Variants in TCP11L2 observed in about 807,000 individuals in gnomAD.
TCP11L2 encodes the protein t-complex 11 like 2, also known as T-complex protein 11-like protein 2.
In TCP11L2, 39 loss-of-function variants were observed where a neutral mutation model predicts 50.7. That is an observed-to-expected ratio of 0.77 (90% CI 0.60 to 1.01). TCP11L2 has a LOEUF of 1.01. TCP11L2 is among the 50% of genes least tolerant of loss of function. The pLI is 0.00. For synonymous variants in TCP11L2, 192 were observed against 219.3 expected, an observed-to-expected ratio of 0.88 and a Z score of 1.10; for missense variants, 612 against 614.7, an observed-to-expected ratio of 1.00 and a Z score of 0.05.
chr12:106,321,688 A>G lies in TCP11L2; in HGVS notation c.617A>G (p.Asn206Ser). 1 of 1,614,188 alleles carries G rather than the reference A, an allele frequency of 6.2e-7. No homozygotes were observed. The highest frequency in any genetic ancestry group is 8.5e-7 in the Non-Finnish European group (1 of 1,180,028). ...ATCAGAGAGTTAAAGGCTACTGGCA[A>G]CATCGTGGAGGTGCTGAGGTTAGCA... ...NDIRELKATG[N>S]IVEVLRQIFH... The change falls in exon 5 of 10, where the codon AAC becomes AGC. Residue 206 changes from asparagine to serine, a missense_variant. By Grantham distance (46) the Asn-to-Ser change is conservative. Coordinates refer to ENST00000299045, the MANE Select transcript of TCP11L2 (RefSeq NM_152772.3).
chr12:106,341,122 A>G, intron 9 of TCP11L2, 124 bp downstream of exon 9: 6 of 786,598 alleles, frequency 7.6e-6, no homozygotes, highest in Non-Finnish European at 1.0e-5. Context: ...ATAAATATTG[A>G]AAATATCAAG....
chr12:106,319,106 T>C (rs1160859708), intron 4 of TCP11L2, among the ~76,000 whole-genome samples: 1 of 151,772 alleles, frequency 6.6e-6, no homozygotes, highest in Non-Finnish European at 1.5e-5. Context: ...AGAGACGGGG[T>C]TTCACCTTGT....
chr12:106,318,217 A>T, intron 3 of TCP11L2, 127 bp from the exon 4 acceptor site: 1 of 1,091,384 alleles, frequency 9.2e-7, no homozygotes, highest in Non-Finnish European at 1.3e-6. Context: ...TTAAAAGATT[A>T]ATGGATTAAG....
chr12:106,338,670 G>T (rs1400895441), intron 8 of TCP11L2, among the ~76,000 whole-genome samples: 2 of 152,180 alleles, frequency 1.3e-5, no homozygotes, highest in Non-Finnish European at 2.9e-5. Flanking sequence ...ATTCCTTTGG[G>T]AATAAACCCA....
intron 1 of TCP11L2, among the ~76,000 whole-genome samples, chr12:106,308,104 AT>A (rs1224097913): frequency 1.3e-5 from 2 of 152,188 alleles, no homozygotes; most frequent in Non-Finnish European, 2.9e-5. Flanking sequence ...AAGCTTTTAA[AT>A]TTTCCATTGC....
chr12:106,338,161 C>CT (rs1256085393), intron 8 of TCP11L2, among the ~76,000 whole-genome samples: 1 of 152,076 alleles, frequency 6.6e-6, no homozygotes, highest in Non-Finnish European at 1.5e-5. Flanking sequence ...TTGATTTTTG[C>CT]TTTTTTTCCC....
chr12:106,323,853 A>C (rs2035445253), intron 6 of TCP11L2: 1 of 235,076 alleles, frequency 4.3e-6, no homozygotes, highest in Admixed American at 5.7e-5. Context: ...ATATAGTATC[A>C]CTAAAGAATT....
chr12:106,311,163 C>G lies in TCP11L2; in HGVS notation c.88C>G (p.Leu30Val), dbSNP rs759623187. 3.1e-6 allele frequency: 5 copies of G among 1,614,092 alleles called. No individual in the cohort carries two copies. The highest frequency in any genetic ancestry group is 1.6e-4 in the Middle Eastern group (1 of 6,084). The stretch of plus-strand genomic sequence containing the variant: ...CCGGTTTTCCGAAAGCATGGCTTCG[C>G]TCAGTGACTATGAATGCTCCAGGCA... Reference protein sequence around the residue: ...SSRFSESMASLSDYECSRQSF... With the variant: ...SSRFSESMASVSDYECSRQSF... The change falls in exon 2 of 10, where the codon CTC becomes GTC. Residue 30 changes from leucine to valine, a missense_variant. Leu to Val is a conservative substitution (Grantham distance 32). Coordinates refer to ENST00000299045, the MANE Select transcript of TCP11L2 (RefSeq NM_152772.3).
chr12:106,321,434 A>G, intron 4 of TCP11L2, 52 bp from the exon 5 acceptor site: 1 of 1,475,896 alleles, frequency 6.8e-7, no homozygotes, highest in Non-Finnish European at 9.3e-7. Context: ...GTGAAAAGTG[A>G]CAGCTTTTAT....
rs186435730 is a variant in TCP11L2 at position 106,308,989 on chromosome 12, G to A, written c.-35-2052G>A. The stretch of plus-strand genomic sequence containing the variant: ...AAGGAACTAATGTACAAGGAACTAA[G>A]CGCTGTCATGGAGATACAGGAGACG... On this transcript the variant is annotated intron_variant, in intron 1 of 9. Coordinates refer to ENST00000299045, the MANE Select transcript of TCP11L2 (RefSeq NM_152772.3). 6.6e-5 allele frequency among the ~76,000 whole-genome samples: 10 copies of A among 152,348 alleles called. 1 individual carries two copies. In the East Asian group the frequency reaches 1.9e-3, roughly 29 times the overall value.
At position 106,346,564 on chromosome 12, in the gene TCP11L2, C is replaced by A; in HGVS notation, c.*34C>A. 1 of 1,590,436 alleles carries A rather than the reference C, an allele frequency of 6.3e-7. No homozygotes were observed. Reference sequence around the variant, plus strand: ...TGACATTGGACGAGAGATTGGAAATCCAGTACTTTGGTATCCAGTCCACTT... The same window carrying A: ...TGACATTGGACGAGAGATTGGAAATACAGTACTTTGGTATCCAGTCCACTT... On this transcript the variant is annotated 3_prime_UTR_variant, in exon 10 of 10. Transcript: ENST00000299045.
upstream of TCP11L2, among the ~76,000 whole-genome samples, chr12:106,302,181 A>G (rs1367527995): frequency 6.6e-6 from 1 of 152,042 alleles, no homozygotes; most frequent in East Asian, 1.9e-4. Flanking sequence ...GCGGGCACTC[A>G]ATGTTCCACG....
intron 4 of TCP11L2, among the ~76,000 whole-genome samples, chr12:106,320,032 C>T (rs907606830): frequency 3.3e-5 from 5 of 152,192 alleles, no homozygotes; most frequent in South Asian, 2.1e-4. Context: ...TACCTGTAGA[C>T]GTTTTGAAAT....
intron 1 of TCP11L2, among the ~76,000 whole-genome samples, chr12:106,305,969 G>C (rs566383749): frequency 6.6e-6 from 1 of 152,176 alleles, no homozygotes; most frequent in Non-Finnish European, 1.5e-5. Context: ...TAGGAAAAGG[G>C]AACCCACCTA....
chr12:106,299,205 T>C (rs189541946), upstream of TCP11L2, among the ~76,000 whole-genome samples: 65 of 152,256 alleles, frequency 4.3e-4, no homozygotes, highest in Admixed American at 1.4e-3. Flanking sequence ...GACCATGAGG[T>C]CAAAGTGCAG....
intron 9 of TCP11L2, among the ~76,000 whole-genome samples, chr12:106,344,439 T>C (rs187232536): frequency 6.6e-6 from 1 of 152,268 alleles, no homozygotes; most frequent in African/African-American, 2.4e-5. Flanking sequence ...CACGATAGTC[T>C]GGTAACAGAT....
chr12:106,299,947 CTTCATCGAACAAAAA>C (rs1237439153), upstream of TCP11L2, among the ~76,000 whole-genome samples: 2 of 152,024 alleles, frequency 1.3e-5, no homozygotes, highest in East Asian at 3.8e-4. Context: ...ATTTCTATTT[CTTCATCGAACAAAAA>C]TTTTGATCTG....
At chr12:106,304,880 G>A (rs2034566649) in intron 1 of TCP11L2, among the ~76,000 whole-genome samples, 2 of 152,180 alleles carry the variant, frequency 1.3e-5, no homozygotes, top group Admixed American at 1.3e-4. Context: ...TGTCACTGTA[G>A]CGGGGTGGTG....
intron 1 of TCP11L2, among the ~76,000 whole-genome samples, chr12:106,310,015 G>T (rs2034790220): frequency 6.6e-6 from 1 of 152,066 alleles, no homozygotes; most frequent in Non-Finnish European, 1.5e-5. Context: ...TTGAGCCCGG[G>T]TTTCCCCTTC....
Sources: allele counts gnomAD v4.1 joint callset (sites outside exome capture counted in the v4.1 genomes callset), GRCh38; gene constraint gnomAD v4.1.1; transcripts MANE v1.5; gene names NCBI Gene and HGNC (gene_info 2026-07-23, HGNC 2026-07-21).